SUMF1: variants seen among roughly 807,000 people sequenced by gnomAD.
SUMF1 encodes sulfatase modifying factor 1, also known as formylglycine-generating enzyme.
A neutral mutation model predicts 47.6 loss-of-function variants in SUMF1; 48 were observed. The observed-to-expected ratio is 1.01, with a 90% CI of 0.80 to 1.28. The LOEUF (loss-of-function observed/expected upper bound fraction) is 1.28, where lower values mean the gene tolerates loss of function less well. Ranked by LOEUF, SUMF1 falls within the 50% of genes most tolerant of loss-of-function variation. SUMF1 has a pLI of 0.00. For synonymous variants in SUMF1, 230 were observed against 192.1 expected, an observed-to-expected ratio of 1.20 and a Z score of -1.63; for missense variants, 571 against 485.4, an observed-to-expected ratio of 1.18 and a Z score of -1.66.
chr3:4,048,929 T>C (rs1695055283), intron 9 of SUMF1, among the ~76,000 whole-genome samples: 1 of 152,156 alleles, frequency 6.6e-6, no homozygotes, highest in South Asian at 2.1e-4. Context: ...TATCAGTCTG[T>C]CTGTACCATT....
chr3:4,317,095 A>G (rs1698693391), intron 8 of SUMF1: 2 of 1,547,892 alleles, frequency 1.3e-6, no homozygotes, highest in East Asian at 2.4e-5. Context: ...AACTTTTTGC[A>G]GGGAAAACGC....
chr3:4,158,801 TCTG>T (rs1694510367), intron 8 of SUMF1, among the ~76,000 whole-genome samples: 1 of 151,612 alleles, frequency 6.6e-6, no homozygotes, highest in Admixed American at 6.6e-5. Context: ...CATAGGTACT[TCTG>T]CTCTTTTTTG....
chr3:4,422,177 G>T (rs1701920040), intron 3 of SUMF1, among the ~76,000 whole-genome samples: 1 of 152,038 alleles, frequency 6.6e-6, no homozygotes, highest in Non-Finnish European at 1.5e-5. Context: ...AGTTCCTCTG[G>T]GGGCTGTTCT....
At chr3:4,398,222 C>T (rs763856780) in intron 7 of SUMF1, among the ~76,000 whole-genome samples, 1 of 152,090 alleles carries the variant, frequency 6.6e-6, no homozygotes, top group Admixed American at 6.5e-5. Flanking sequence ...TTAACATCTG[C>T]AAGCTCCTTA....
intron 8 of SUMF1, among the ~76,000 whole-genome samples, chr3:4,258,180 A>G (rs1247963100): frequency 3.3e-5 from 5 of 149,956 alleles, no homozygotes; most frequent in Non-Finnish European, 7.4e-5. Context: ...CCTAGGCATT[A>G]CCATTCAGGA....
intron 8 of SUMF1, among the ~76,000 whole-genome samples, chr3:4,220,811 A>T (rs563716628): frequency 5.3e-5 from 8 of 152,192 alleles, no homozygotes; most frequent in African/African-American, 1.7e-4. Flanking sequence ...CTCCAATCCA[A>T]ATATTCTTAA....
At chr3:4,391,231 T>G (rs886699794) in intron 7 of SUMF1, among the ~76,000 whole-genome samples, 2 of 151,816 alleles carry the variant, frequency 1.3e-5, no homozygotes, top group Admixed American at 6.5e-5. Context: ...TTTGTCCAGG[T>G]GTGGTTTTTT....
chr3:4,259,004 A>C (rs1448252206), intron 8 of SUMF1, among the ~76,000 whole-genome samples: 1 of 149,520 alleles, frequency 6.7e-6, no homozygotes, highest in Non-Finnish European at 1.5e-5. Flanking sequence ...TCAGTAAACT[A>C]TCGCAAGAAC....
intron 8 of SUMF1, among the ~76,000 whole-genome samples, chr3:4,257,862 T>C (rs1575027896): frequency 6.6e-6 from 1 of 151,316 alleles, no homozygotes; most frequent in East Asian, 1.9e-4. Context: ...CTTCAAACTA[T>C]ACTACAAGGC....
At chr3:4,442,638 G>A (rs866005379) in intron 3 of SUMF1, among the ~76,000 whole-genome samples, 15 of 61,304 alleles carry the variant, frequency 2.4e-4, no homozygotes, top group East Asian at 8.2e-4. Flanking sequence ...AGAGAAAAAG[G>A]AAAAAAAAAA....
At chr3:4,301,160 A>G (rs1168690970) in intron 8 of SUMF1, among the ~76,000 whole-genome samples, 2 of 152,178 alleles carry the variant, frequency 1.3e-5, no homozygotes, top group African/African-American at 4.8e-5. Context: ...AGGGTAAAGA[A>G]AGATACAGAG....
At chr3:4,178,012 A>C (rs773119187) in intron 8 of SUMF1, among the ~76,000 whole-genome samples, 19 of 152,186 alleles carry the variant, frequency 1.2e-4, no homozygotes, top group Admixed American at 3.3e-4. Context: ...ATCTCTGAAT[A>C]GACCAATAAC....
intron 9 of SUMF1, among the ~76,000 whole-genome samples, chr3:4,067,230 T>C (rs1216608362): frequency 6.6e-6 from 1 of 152,132 alleles, no homozygotes; most frequent in Non-Finnish European, 1.5e-5. Flanking sequence ...GGTTATTTGG[T>C]GTATCAGTAA....
chr3:4,387,963 T>G (rs767019457), intron 7 of SUMF1, among the ~76,000 whole-genome samples: 4 of 152,054 alleles, frequency 2.6e-5, no homozygotes, highest in Non-Finnish European at 5.9e-5. Flanking sequence ...TTTTAAAAAT[T>G]TGTTGAGGTT....
At chr3:4,107,306 A>G (rs1174927142) in intron 8 of SUMF1, among the ~76,000 whole-genome samples, 2 of 152,166 alleles carry the variant, frequency 1.3e-5, no homozygotes, top group African/African-American at 4.8e-5. Flanking sequence ...TAACCTTAGG[A>G]ATACAGGCAG....
intron 8 of SUMF1, among the ~76,000 whole-genome samples, chr3:4,273,301 C>A (rs1306442126): frequency 1.3e-5 from 2 of 151,774 alleles, no homozygotes; most frequent in Admixed American, 1.3e-4. Flanking sequence ...AATGGACAAA[C>A]AAAATGTGTT....
At chr3:4,436,003 G>A (rs9990308) in intron 3 of SUMF1, among the ~76,000 whole-genome samples, 39,850 of 152,062 alleles carry the variant, frequency 0.26, 5,583 homozygotes, top group East Asian at 0.52. Flanking sequence ...TGTACGAGGC[G>A]GGGTGCAGTG....
At chr3:4,448,015 C>A (rs553871013) in intron 3 of SUMF1, among the ~76,000 whole-genome samples, 1 of 151,048 alleles carries the variant, frequency 6.6e-6, no homozygotes, top group South Asian at 2.1e-4. Context: ...TCAACACCAG[C>A]CTCAACTGAC....
chr3:4,177,929 T>C (rs575344494), intron 8 of SUMF1, among the ~76,000 whole-genome samples: 1 of 152,056 alleles, frequency 6.6e-6, no homozygotes, highest in Admixed American at 6.6e-5. Context: ...GCAAATAAAC[T>C]AGAAAATCTA....
Sources: allele counts gnomAD v4.1 joint callset (sites outside exome capture counted in the v4.1 genomes callset), GRCh38; gene constraint gnomAD v4.1.1; transcripts MANE v1.5; gene names NCBI Gene and HGNC (gene_info 2026-07-23, HGNC 2026-07-21).